Variants in ROBO2 observed in about 807,000 individuals in gnomAD.
ROBO2 encodes the protein roundabout guidance receptor 2.
ROBO2 carries 53 observed loss-of-function variants against 160.8 expected under a neutral mutation model. The observed-to-expected ratio is 0.33, with a 90% confidence interval of 0.26 to 0.41. ROBO2 has a LOEUF of 0.41. Ranked by LOEUF, ROBO2 falls within the 10% of genes least tolerant of loss-of-function variation. ROBO2 has a pLI of 1.00. For missense variants in ROBO2, 1,577 were observed against 1,722.4 expected (o/e 0.92, Z 1.49); for synonymous variants, 664 against 611.7 (o/e 1.09, Z -1.26).
At chr3:77,325,656 G>A (rs1408222447) in intron 2 of ROBO2, among the ~76,000 whole-genome samples, 1 of 152,144 alleles carries the variant, frequency 6.6e-6, no homozygotes, top group Non-Finnish European at 1.5e-5. Flanking sequence ...TGGAATTAGG[G>A]GGTGGAGATA....
At chr3:76,492,086 C>T (rs1176592842) in intron 2 of ROBO2, among the ~76,000 whole-genome samples, 1 of 151,966 alleles carries the variant, frequency 6.6e-6, no homozygotes, top group Non-Finnish European at 1.5e-5. Context: ...CACTGCACTC[C>T]AGCCTGGGCG....
At chr3:77,556,854 A>T (rs1559606222) in intron 8 of ROBO2, among the ~76,000 whole-genome samples, 1 of 151,898 alleles carries the variant, frequency 6.6e-6, no homozygotes, top group Non-Finnish European at 1.5e-5. Context: ...CATACACAAT[A>T]AAAAGCATAT....
chr3:77,223,270 T>G (rs967904357), intron 2 of ROBO2, among the ~76,000 whole-genome samples: 2 of 152,118 alleles, frequency 1.3e-5, no homozygotes, highest in Admixed American at 6.5e-5. Context: ...CCTTCATTGA[T>G]TTTTTTATAT....
intron 2 of ROBO2, among the ~76,000 whole-genome samples, chr3:77,111,428 T>C (rs1026049519): frequency 6.6e-6 from 1 of 152,112 alleles, no homozygotes; most frequent in African/African-American, 2.4e-5. Context: ...TACATAAAAA[T>C]GAATTTGGAA....
chr3:76,940,411 T>C (rs2078102463), intron 2 of ROBO2, among the ~76,000 whole-genome samples: 1 of 152,224 alleles, frequency 6.6e-6, no homozygotes, highest in Admixed American at 6.5e-5. Flanking sequence ...ATTTTTACAC[T>C]AGGGCCAACA....
chr3:76,917,732 A>T (rs1577468443), intron 2 of ROBO2, among the ~76,000 whole-genome samples: 1 of 143,652 alleles, frequency 7.0e-6, no homozygotes, highest in East Asian at 2.1e-4. Flanking sequence ...TAAGGGGATA[A>T]TATCTGGTGA....
At chr3:77,310,198 C>T (rs1319110752) in intron 2 of ROBO2, among the ~76,000 whole-genome samples, 3 of 151,984 alleles carry the variant, frequency 2.0e-5, no homozygotes, top group South Asian at 4.2e-4. Flanking sequence ...ATTAAGAGCC[C>T]GTTTATTGCG....
intron 2 of ROBO2, among the ~76,000 whole-genome samples, chr3:77,268,143 A>T (rs577142143): frequency 6.6e-6 from 1 of 152,210 alleles, no homozygotes; most frequent in African/African-American, 2.4e-5. Context: ...TTACTGTTAT[A>T]ACATAATTCT....
intron 7 of ROBO2, among the ~76,000 whole-genome samples, chr3:77,549,009 G>T (rs569588674): frequency 1.3e-5 from 2 of 151,976 alleles, no homozygotes; most frequent in African/African-American, 4.8e-5. Flanking sequence ...GAACTTAATG[G>T]TCCATATTTC....
intron 1 of ROBO2, among the ~76,000 whole-genome samples, chr3:77,077,722 T>C (rs947227849): frequency 3.9e-5 from 6 of 152,252 alleles, no homozygotes; most frequent in Non-Finnish European, 8.8e-5. Flanking sequence ...TATTCATATA[T>C]ACACACAGGT....
At chr3:76,048,979 G>T (rs1000842161) in intron 2 of ROBO2, among the ~76,000 whole-genome samples, 1 of 151,990 alleles carries the variant, frequency 6.6e-6, no homozygotes, top group African/African-American at 2.4e-5. Context: ...AGCATGCAAC[G>T]CTAAACAACA....
intron 2 of ROBO2, among the ~76,000 whole-genome samples, chr3:76,037,013 G>T (rs2067131294): frequency 6.6e-6 from 1 of 151,726 alleles, no homozygotes; most frequent in Non-Finnish European, 1.5e-5. Context: ...CATCCTCTTT[G>T]TTGTCTTCTG....
chr3:77,182,673 A>G (rs918005187), intron 2 of ROBO2, among the ~76,000 whole-genome samples: 4 of 152,080 alleles, frequency 2.6e-5, no homozygotes, highest in Non-Finnish European at 5.9e-5. Flanking sequence ...TGACACAAGC[A>G]GGTATCAGTG....
chr3:76,645,427 G>T (rs1167744774), intron 2 of ROBO2, among the ~76,000 whole-genome samples: 11 of 152,176 alleles, frequency 7.2e-5, no homozygotes, highest in African/African-American at 2.7e-4. Context: ...AGTACTTTTT[G>T]TTCAGAGAAC....
intron 2 of ROBO2, among the ~76,000 whole-genome samples, chr3:77,029,890 A>C (rs762141033): frequency 6.6e-6 from 1 of 152,130 alleles, no homozygotes; most frequent in Non-Finnish European, 1.5e-5. Flanking sequence ...ATTAATTTAA[A>C]TAGGCCTCCT....
intron 2 of ROBO2, among the ~76,000 whole-genome samples, chr3:76,075,192 A>G (rs1421411617): frequency 6.6e-6 from 1 of 151,864 alleles, no homozygotes; most frequent in Admixed American, 6.6e-5. Flanking sequence ...TTTCTGTGCC[A>G]GGGCCACCTT....
chr3:76,973,072 A>T (rs1047935941), intron 2 of ROBO2, among the ~76,000 whole-genome samples: 2 of 152,140 alleles, frequency 1.3e-5, no homozygotes, highest in Non-Finnish European at 2.9e-5. Flanking sequence ...CAGCTAAAGA[A>T]CCTCGGCCTG....
intron 2 of ROBO2, among the ~76,000 whole-genome samples, chr3:75,997,683 C>T (rs1307146181): frequency 1.3e-5 from 2 of 151,940 alleles, no homozygotes; most frequent in Non-Finnish European, 2.9e-5. Flanking sequence ...TTAGTAGAGA[C>T]GGGGTTTCAC....
intron 2 of ROBO2, among the ~76,000 whole-genome samples, chr3:76,139,228 G>C (rs1191028673): frequency 6.6e-6 from 1 of 152,028 alleles, no homozygotes; most frequent in African/African-American, 2.4e-5. Flanking sequence ...ATGCTTGACT[G>C]TAATATGCTT....
Sources: allele counts gnomAD v4.1 joint callset (sites outside exome capture counted in the v4.1 genomes callset), GRCh38; gene constraint gnomAD v4.1.1; transcripts MANE v1.5; gene names NCBI Gene and HGNC (gene_info 2026-07-23, HGNC 2026-07-21).